The following SOX6 variants were observed in gnomAD, a reference collection of about 807,000 sequenced individuals.
SOX6 encodes the protein transcription factor SOX-6.
Under a neutral mutation model 97.8 loss-of-function variants are expected in SOX6, and 11 were observed. The observed-to-expected ratio is 0.11, with a 90% CI of 0.07 to 0.19. The LOEUF (loss-of-function observed/expected upper bound fraction) is 0.19. Among genes scored for constraint, SOX6 ranks in the 10% least tolerant of loss-of-function variants. The probability of loss-of-function intolerance (pLI) is 1.00; values close to 1 mark genes in which losing one functional copy is unlikely to be tolerated. For synonymous variants in SOX6, 360 were observed against 371.4 expected (o/e 0.97, Z 0.35); for missense variants, 810 against 1,039.5 (o/e 0.78, Z 3.04).
At chr11:16,516,873 C>CA (rs1860982853) in intron 4 of SOX6, among the ~76,000 whole-genome samples, 1 of 138,728 alleles carries the variant, frequency 7.2e-6, no homozygotes, top group African/African-American at 2.7e-5. Context: ...GAGACACAAC[C>CA]AAAAAAGAGA....
intron 3 of SOX6, among the ~76,000 whole-genome samples, chr11:16,299,325 C>T (rs888671233): frequency 1.3e-5 from 2 of 152,092 alleles, no homozygotes; most frequent in Admixed American, 1.3e-4. Flanking sequence ...CAAGTGATCA[C>T]AGGCACGACC....
intron 3 of SOX6, chr11:16,312,165 T>C (rs1855622645): frequency 6.6e-6 from 1 of 152,218 alleles, no homozygotes; most frequent in Non-Finnish European, 1.5e-5. Context: ...TGGAATTGTA[T>C]CAAAGCCTGC....
intron 3 of SOX6, among the ~76,000 whole-genome samples, chr11:16,665,023 T>C (rs1474562158): frequency 3.9e-5 from 6 of 152,004 alleles, no homozygotes; most frequent in South Asian, 4.2e-4. Context: ...TAAAGAGCCC[T>C]TGGGCCTGAA....
intron 4 of SOX6, among the ~76,000 whole-genome samples, chr11:16,568,660 A>G (rs1847903272): frequency 6.6e-6 from 1 of 152,196 alleles, no homozygotes; most frequent in East Asian, 1.9e-4. Flanking sequence ...CAATGAAGTA[A>G]GCAATAAAAA....
At chr11:16,161,632 G>C (rs1850752868) in intron 6 of SOX6, among the ~76,000 whole-genome samples, 1 of 152,120 alleles carries the variant, frequency 6.6e-6, no homozygotes, top group African/African-American at 2.4e-5. Context: ...CAAAACTCCT[G>C]CTGAGACAAA....
At chr11:16,087,824 T>C (rs1045359059) in intron 9 of SOX6, among the ~76,000 whole-genome samples, 2 of 152,188 alleles carry the variant, frequency 1.3e-5, no homozygotes, top group African/African-American at 4.8e-5. Context: ...GGACTTTGTT[T>C]TATTCATTGA....
intron 9 of SOX6, among the ~76,000 whole-genome samples, chr11:16,069,786 A>G (rs769263986): frequency 2.0e-5 from 3 of 152,162 alleles, no homozygotes; most frequent in Non-Finnish European, 4.4e-5. Flanking sequence ...ACAAGCATTG[A>G]CTGTAACCCA....
intron 9 of SOX6, among the ~76,000 whole-genome samples, chr11:16,073,839 C>T (rs1297719150): frequency 6.6e-6 from 1 of 152,160 alleles, no homozygotes; most frequent in East Asian, 1.9e-4. Context: ...TCCTGGATGA[C>T]TTTTGAGTAA....
chr11:16,454,077 C>CT (rs1193229211), intron 1 of SOX6, among the ~76,000 whole-genome samples: 2 of 151,990 alleles, frequency 1.3e-5, no homozygotes, highest in Non-Finnish European at 2.9e-5. Context: ...ATGATGCAGT[C>CT]TTTTTTAACA....
chr11:16,030,297 T>C (rs2133884120), intron 12 of SOX6, among the ~76,000 whole-genome samples: 1 of 152,352 alleles, frequency 6.6e-6, no homozygotes, highest in East Asian at 1.9e-4. Context: ...GATTAATATG[T>C]TTGAAGCACT....
chr11:16,153,420 T>C (rs566417327), intron 6 of SOX6, among the ~76,000 whole-genome samples: 1 of 152,284 alleles, frequency 6.6e-6, no homozygotes, highest in East Asian at 1.9e-4. Context: ...AAAGCAGTAT[T>C]GCACAGGGAT....
At chr11:16,006,889 T>C (rs1459124053) in intron 13 of SOX6, among the ~76,000 whole-genome samples, 3 of 152,006 alleles carry the variant, frequency 2.0e-5, no homozygotes, top group African/African-American at 7.2e-5. Context: ...AACATATGGG[T>C]AAAACTGAAG....
At chr11:16,079,348 T>A (rs1053389484) in intron 9 of SOX6, among the ~76,000 whole-genome samples, 1 of 152,158 alleles carries the variant, frequency 6.6e-6, no homozygotes, top group African/African-American at 2.4e-5. Context: ...AAAAGGAAAG[T>A]ATAAGATTAT....
chr11:16,202,747 T>A (rs1391621284), intron 4 of SOX6, among the ~76,000 whole-genome samples: 1 of 152,004 alleles, frequency 6.6e-6, no homozygotes, highest in African/African-American at 2.4e-5. Context: ...GAATGGCTTT[T>A]AAAAAAAGAA....
chr11:16,306,611 C>CTTTTTTTTTTTTTTTTTTTTTTTTTTTTT (rs750981587), intron 3 of SOX6, among the ~76,000 whole-genome samples: 2 of 120,808 alleles, frequency 1.7e-5, no homozygotes, highest in Non-Finnish European at 3.5e-5. Context: ...CCTCAAATTT[C>CTTTTTTTTTTTTTTTTTTTTTTTTTTTTT]TTTTTTTTTT....
chr11:16,270,407 T>C (rs1230523982), intron 3 of SOX6, among the ~76,000 whole-genome samples: 1 of 151,306 alleles, frequency 6.6e-6, no homozygotes, highest in East Asian at 1.9e-4. Context: ...AGGCGAGGAA[T>C]AAATTGGTGT....
At chr11:16,540,892 C>T (rs1158744272) in intron 4 of SOX6, among the ~76,000 whole-genome samples, 1 of 152,158 alleles carries the variant, frequency 6.6e-6, no homozygotes, top group Non-Finnish European at 1.5e-5. Context: ...AATGGCCATA[C>T]TGCCCAAGGT....
At chr11:16,569,044 G>A (rs1246226499) in intron 4 of SOX6, among the ~76,000 whole-genome samples, 2 of 152,178 alleles carry the variant, frequency 1.3e-5, no homozygotes, top group Non-Finnish European at 2.9e-5. Context: ...CAGCATGTAA[G>A]CATCATAGAG....
rs553262839 is a variant in SOX6 at position 16,129,919 on chromosome 11, A to T, written c.778-17996T>A. On this transcript the variant is annotated intron_variant, in intron 6 of 15. Coordinates refer to ENST00000683767, the MANE Select transcript of SOX6 (RefSeq NM_001367873.1). ...AAAATAGGCAATAATGTCTACTCTC[A>T]CCACTTCTAATCAATATTGTACTGG... Among the ~76,000 whole-genome samples the T allele has an allele frequency of 2.1e-4, 32 of 152,154 alleles. No individual in the cohort carries two copies. The South Asian group carries it at 6.4e-3, about 31-fold the overall frequency.
Sources: allele counts gnomAD v4.1 joint callset (sites outside exome capture counted in the v4.1 genomes callset), GRCh38; gene constraint gnomAD v4.1.1; transcripts MANE v1.5; gene names NCBI Gene and HGNC (gene_info 2026-07-23, HGNC 2026-07-21).